MUC5B: variants seen among roughly 807,000 people sequenced by gnomAD.
MUC5B encodes the protein mucin-5B.
In MUC5B, 116 loss-of-function variants were observed where a neutral mutation model predicts 376.9. The ratio of observed to expected loss-of-function variants is 0.31; its 90% CI spans 0.26 to 0.36. The LOEUF is 0.36. MUC5B is among the 10% of genes least tolerant of loss of function. The probability of loss-of-function intolerance (pLI) is 1.00; values close to 1 mark genes in which losing one functional copy is unlikely to be tolerated. For synonymous variants in MUC5B, 3,517 were observed against 3,390.9 expected (o/e 1.04, Z -1.29); for missense variants, 7,165 against 7,769.9 (o/e 0.92, Z 2.93).
At position 1,243,068 on chromosome 11, in the gene MUC5B, C is replaced by T; in HGVS notation, c.6188C>T (p.Pro2063Leu). Reference sequence around the variant, plus strand: ...ACAACCACGGGCTTCACAGCCACCCCCTCCTCCAGCCCAGGGACGGCACTC... The same window carrying T: ...ACAACCACGGGCTTCACAGCCACCCTCTCCTCCAGCCCAGGGACGGCACTC... Reference protein sequence around the residue: ...TTTTTGFTATPSSSPGTALTP... With the variant: ...TTTTTGFTATLSSSPGTALTP... Residue 2063 changes from proline to leucine, a missense_variant, in exon 31 of 49, where the codon CCC (proline) becomes CTC (leucine). This residue lies in a region of MUC5B where 897 missense variants were observed against 779.6 expected (regional missense o/e 1.15). Transcript: ENST00000529681. The T allele has an allele frequency of 6.2e-7, 1 of 1,612,188 alleles. No homozygotes were observed. The highest frequency in any genetic ancestry group is 1.3e-5 in the African/African-American group (1 of 74,852).
In MUC5B at chr11:1,254,258, T is replaced by C; in HGVS notation, c.15384T>C (p.Ala5128=). 1 of 1,612,292 alleles carries C rather than the reference T, an allele frequency of 6.2e-7. No homozygotes were observed. The highest frequency in any genetic ancestry group is 8.5e-7 in the Non-Finnish European group (1 of 1,179,860). The part of the protein sequence containing the change: ...NHYCTASATA[A]AARCPRALSI... ...ACTGCACGGCCTCTGCCACTGCCGC[T>C]GCCGCCCGCTGCCCCCGCGCCCTCA... The change falls in exon 34 of 49, where the codon GCT becomes GCC. Residue 5128 remains alanine, a synonymous_variant. Transcript: ENST00000529681.
At chr11:1,236,263 G>C in intron 23 of MUC5B, 123 bp from the exon 24 acceptor site, 1 of 947,738 alleles carries the variant, frequency 1.1e-6, no homozygotes, top group South Asian at 1.9e-5. Context: ...CACCCCTAAC[G>C]CCAGCCGCTT....
chr11:1,230,592 G>C lies in MUC5B; in HGVS notation c.1462G>C (p.Gly488Arg), dbSNP rs754563136. 9 of 1,607,616 alleles carry C rather than the reference G, an allele frequency of 5.6e-6. No individual in the cohort carries two copies. The highest frequency in any genetic ancestry group is 7.6e-6 in the Non-Finnish European group (9 of 1,177,350). Residue 488 changes from glycine to arginine, a missense_variant, in exon 12 of 49, where the codon GGG becomes CGG. Gly to Arg is a moderately radical substitution (Grantham distance 125). Around this residue, in one of 31 missense-constraint regions of MUC5B, gnomAD observed 640 missense variants for 733.0 expected, o/e 0.87. Transcript: ENST00000529681. ...LKAVTLSLDG[G>R]DTAIRVQADG... is the part of the protein sequence containing the mutation. ...AGCGGTGACGCTCAGCCTGGACGGC[G>C]GGGACACGGTGAGGACCTGGCTGGG...
At chr11:1,226,903 G>A (rs908995679) in intron 4 of MUC5B, 27 bp downstream of exon 4, 6 of 1,600,094 alleles carry the variant, frequency 3.7e-6, no homozygotes, top group South Asian at 1.1e-5. Flanking sequence ...GGGGAGGGGC[G>A]AGGGCCGGGC....
In MUC5B at chr11:1,237,047, C is replaced by A; in HGVS notation, c.3180C>A (p.Ser1060=). 1 of 1,581,314 alleles carries A rather than the reference C, an allele frequency of 6.3e-7. No homozygotes were observed. ...GGAACAGCTGGAAGCTCTCCCCCTC[C>A]TGCCCGGACGCCCTGGCACCCAAGG... ...EFGNSWKLSP[S]CPDALAPKDP... The change falls in exon 25 of 49, where the codon TCC becomes TCA. Residue 1060 remains serine, a synonymous_variant. Transcript: ENST00000529681.
intron 21 of MUC5B, 76 bp from the exon 22 acceptor site, chr11:1,235,009 C>G: frequency 1.3e-6 from 2 of 1,525,992 alleles, no homozygotes; most frequent in Non-Finnish European, 1.8e-6. Flanking sequence ...CTGACCTGCA[C>G]AGGCCTGGGT....
At chr11:1,240,811 AG>A in intron 30 of MUC5B, 39 bp from the exon 31 acceptor site, 1 of 1,549,816 alleles carries the variant, frequency 6.5e-7, no homozygotes, top group Non-Finnish European at 8.7e-7. Context: ...CCAGGACTGG[AG>A]GATGCTGAGC....
chr11:1,229,997 C>G lies in MUC5B; in HGVS notation c.1221-8C>G, dbSNP rs369090905. 23 of 1,586,060 alleles carry G rather than the reference C, an allele frequency of 1.5e-5. No individual in the cohort carries two copies. The highest frequency in any genetic ancestry group is 1.9e-5 in the Non-Finnish European group (22 of 1,166,908). ...CATGCCGGTTCTGCTCACGGCCTCC[C>G]TCCCCAGCACCTGCTCCGGGGGGCT... On this transcript the variant is annotated splice_polypyrimidine_tract_variant and splice_region_variant and intron_variant, in intron 10 of 48. Transcript: ENST00000529681.
chr11:1,242,692 G>A lies in MUC5B; in HGVS notation c.5812G>A (p.Val1938Met). Residue 1938 changes from valine to methionine, a missense_variant, in exon 31 of 49, where the codon GTG becomes ATG. Val to Met is a conservative substitution (Grantham distance 21). Around this residue, in one of 31 missense-constraint regions of MUC5B, gnomAD observed 897 missense variants for 779.6 expected, o/e 1.15. Transcript: ENST00000529681. ...STLRTAPPPK[V>M]LTTTATTPTV... ...CCTGAGAACAGCTCCCCCTCCCAAA[G>A]TGCTGACCACCACGGCCACCACACC... 1 of 1,613,526 alleles carries A rather than the reference G, an allele frequency of 6.2e-7. No homozygotes were observed. The highest frequency in any genetic ancestry group is 8.5e-7 in the Non-Finnish European group (1 of 1,179,754).
rs202224949 is a variant in MUC5B, at chr11:1,241,985, C to T, written c.5105C>T (p.Thr1702Met). Reference protein sequence around the residue: ...TLPTRSALPGTTGSLGTWRPS... With the variant: ...TLPTRSALPGMTGSLGTWRPS... The stretch of plus-strand genomic sequence containing the variant: ...CCAACACGCTCAGCCCTTCCAGGGA[C>T]GACGGGGAGCTTGGGCACATGGCGC... The change falls in exon 31 of 49, where the codon ACG becomes ATG. Residue 1702 changes from threonine to methionine, a missense_variant. Transcript: ENST00000529681. 8.6e-4 allele frequency: 1,370 copies of T among 1,592,868 alleles called. 2 individuals carry two copies. The highest frequency in any genetic ancestry group is 1.1e-3 in the Non-Finnish European group (1,287 of 1,170,350).
Position 1,253,142 on chromosome 11 carries a change from ATGGTGGGGTG to A in MUC5B, c.15217+169_15217+178del, listed in dbSNP as rs1862750100. ...GGGGTGCAGTGGGGCATGGTGGGGC[ATGGTGGGGTG>A]TGGTGGTGGTGTTTGGGAGATCGCT... On this transcript the variant is annotated intron_variant, in intron 33 of 48. Coordinates refer to ENST00000529681, the MANE Select transcript of MUC5B (RefSeq NM_002458.3). This position sits in a 1 kb window ranked among gnomAD's most constrained non-coding sequence, Gnocchi z 4.3. The A allele has an allele frequency of 1.0e-5, 8 of 776,316 alleles. No individual in the cohort carries two copies. In the Admixed American group the frequency reaches 1.5e-4, roughly 15 times the overall value. 48.1% of individuals were successfully genotyped at this position (776,316 alleles called of 1,614,324 possible).
In MUC5B at chr11:1,261,613, G is replaced by A. The variant is rs753618326; in HGVS notation, c.*5G>A. 8 of 1,598,868 alleles carry A rather than the reference G, an allele frequency of 5.0e-6. No homozygotes were observed. The highest frequency in any genetic ancestry group is 1.7e-5 in the Admixed American group (1 of 58,264). ...CAGGAGGCCACTGCTGTCTGAGAAC[G>A]TTCTGCCTCCATCCCCATGCTCTGT... is the stretch of plus-strand genomic sequence containing the variant. On this transcript the variant is annotated 3_prime_UTR_variant, in exon 49 of 49. Transcript: ENST00000529681.
Position 1,256,650 on chromosome 11 carries a change from G to T in MUC5B, c.16137-21G>T, listed in dbSNP as rs1255533758. ...GCCTCCTGGATCTCTAGGTCTCAGG[G>T]CCTCTCTTGTCATCCTGCAGGAACC... On this transcript the variant is annotated intron_variant, in intron 38 of 48. Transcript: ENST00000529681. 6 of 1,543,840 alleles carry T rather than the reference G, an allele frequency of 3.9e-6. No individual in the cohort carries two copies. The Admixed American group carries it at 6.1e-5, about 16-fold the overall frequency.
rs201462302 is a variant in MUC5B at position 1,227,328 on chromosome 11, C to T, written c.597C>T (p.Tyr199=). The part of the protein sequence containing the change: ...DSALLELDPK[Y]ANQTCGLCGD... ...CTCAGCTGGAGCTGGATCCCAAATA[C>T]GCCAACCAGACCTGTGGCCTGTGTG... The change falls in exon 6 of 49, where the codon TAC becomes TAT. Residue 199 remains tyrosine (Y), a synonymous_variant. Coordinates refer to ENST00000529681, the MANE Select transcript of MUC5B (RefSeq NM_002458.3). 87 of 1,612,672 alleles carry T rather than the reference C, an allele frequency of 5.4e-5. No homozygotes were observed. The highest frequency in any genetic ancestry group is 3.3e-4 in the Middle Eastern group (2 of 6,060).
intron 23 of MUC5B, chr11:1,235,614 A>G: frequency 1.7e-6 from 1 of 596,544 alleles, no homozygotes. Flanking sequence ...TCAGAGATCC[A>G]GGCGGGCAGG....
In MUC5B at chr11:1,257,046, G is replaced by A. The variant is rs561027158; in HGVS notation, c.16238-194G>A. Among the ~76,000 whole-genome samples, 41 of 152,300 alleles carry A rather than the reference G, an allele frequency of 2.7e-4. No individual in the cohort carries two copies. Among genetic ancestry groups the A allele is most frequent in the Admixed American group, 1.2e-3 (18 of 15,300 alleles). On this transcript the variant is annotated intron_variant, in intron 39 of 48. Coordinates refer to ENST00000529681, the MANE Select transcript of MUC5B (RefSeq NM_002458.3). This position sits in a 1 kb window ranked among gnomAD's most constrained non-coding sequence, Gnocchi z 8.9. ...CCTGCCTCCCACCACCATGGACGAG[G>A]CTTCCATGCACTGACAGCTGGGCTC... is the stretch of plus-strand genomic sequence containing the variant.
rs1862816294 is a variant in MUC5B, at chr11:1,255,483, C to T, written c.15991C>T (p.Leu5331=). ...RGRLEVPCQS[L]EAYAELCRAR... is the part of the protein sequence containing the mutation. ...CCGCCTTGAGGTGCCCTGCCAGAGC[C>T]TGGAGGCTTACGCAGAGCTCTGCCG... The change falls in exon 37 of 49, where the codon CTG becomes TTG. Residue 5331 remains leucine (L), a synonymous_variant. Transcript: ENST00000529681. 1 of 1,583,562 alleles carries T rather than the reference C, an allele frequency of 6.3e-7. No individual in the cohort carries two copies. Among genetic ancestry groups the T allele is most frequent in the Middle Eastern group, 1.7e-4 (1 of 6,022 alleles).
chr11:1,231,113 G>A (rs546682274), intron 13 of MUC5B, 108 bp downstream of exon 13: 37 of 1,174,378 alleles, frequency 3.2e-5, no homozygotes, highest in South Asian at 6.0e-5. Flanking sequence ...CCGTGGCCTC[G>A]GGCAGCTCCA....
chr11:1,225,076 G>A (rs1022017225), intron 1 of MUC5B, among the ~76,000 whole-genome samples: 7 of 152,182 alleles, frequency 4.6e-5, no homozygotes, highest in Non-Finnish European at 8.8e-5. Flanking sequence ...GGGGACCTTG[G>A]GCGGCCATCC....
Sources: gnomAD v4.1 joint callset for allele counts (sites outside exome capture counted in the v4.1 genomes callset) on GRCh38, gnomAD v4.1.1 for gene constraint, gnomAD v4.1.1 regional missense constraint, Gnocchi (gnomAD v3.1) non-coding constraint, MANE v1.5 for transcripts, NCBI Gene and HGNC (gene_info 2026-07-23, HGNC 2026-07-21) for gene names.